GANC: variants seen among roughly 807,000 people sequenced by gnomAD.
GANC encodes glucosidase alpha, neutral C.
In GANC, 117 loss-of-function variants were observed where a neutral mutation model predicts 124.2. The ratio of observed to expected loss-of-function variants is 0.94; its 90% CI spans 0.81 to 1.10. The LOEUF is 1.10. Ranked by LOEUF, GANC falls within the 50% of genes least tolerant of loss-of-function variation. GANC has a pLI of 0.00. For missense variants in GANC, 1,140 were observed against 1,095.0 expected (o/e 1.04, Z -0.58); for synonymous variants, 377 against 376.8 (o/e 1.00, Z -0.01).
intron 3 of GANC, among the ~76,000 whole-genome samples, chr15:42,286,734 C>T (rs2051793186): frequency 2.0e-5 from 3 of 152,170 alleles, no homozygotes; most frequent in African/African-American, 7.2e-5. Context: ...TTGGTGCTGG[C>T]TTGGTATTCT....
At chr15:42,328,506 CAAAAA>C (rs530447078) in intron 13 of GANC, among the ~76,000 whole-genome samples, 3 of 104,052 alleles carry the variant, frequency 2.9e-5, no homozygotes, top group Non-Finnish European at 6.3e-5. Flanking sequence ...AATAAAGATT[CAAAAA>C]AAAAAAAAAA....
chr15:42,279,036 C>T (rs1216797511), intron 3 of GANC, among the ~76,000 whole-genome samples: 2 of 152,080 alleles, frequency 1.3e-5, no homozygotes, highest in African/African-American at 2.4e-5. Flanking sequence ...GTCATCTTTT[C>T]GTATCTATAC....
intron 2 of GANC, chr15:42,277,934 A>AAC: frequency 6.1e-6 from 1 of 163,326 alleles, no homozygotes; most frequent in South Asian, 1.1e-4. Flanking sequence ...AAAAAAAAAA[A>AAC]AAACAGTCTT....
At chr15:42,303,931 T>C (rs1356695418) in intron 6 of GANC, among the ~76,000 whole-genome samples, 1 of 152,128 alleles carries the variant, frequency 6.6e-6, no homozygotes, top group Non-Finnish European at 1.5e-5. Context: ...CCATTGTCAA[T>C]ATTAGACAGA....
chr15:42,351,954 T>G lies in GANC; in HGVS notation c.2636-76T>G, dbSNP rs2052444778. On this transcript the variant is annotated intron_variant, in intron 23 of 23. Transcript: ENST00000318010. ...GGTTTTATGATACAGTGAGAAAACA[T>G]TTCAGATTTGGAGAAAAGACTTTTC... 1.0e-5 allele frequency: 16 copies of G among 1,567,414 alleles called. No individual in the cohort carries two copies. The South Asian group carries it at 1.9e-4, about 18-fold the overall frequency.
intron 19 of GANC, among the ~76,000 whole-genome samples, chr15:42,345,219 A>T (rs1021340654): frequency 2.6e-5 from 4 of 152,092 alleles, no homozygotes; most frequent in African/African-American, 9.7e-5. Context: ...TGTTTAAAAA[A>T]AAAAAAAAGA....
At chr15:42,339,542 G>A in intron 16 of GANC, 127 bp from the exon 17 acceptor site, 1 of 1,139,152 alleles carries the variant, frequency 8.8e-7, no homozygotes, top group Admixed American at 2.2e-5. Flanking sequence ...TGAGGCCACG[G>A]CTTTATCCTG....
At chr15:42,276,835 T>C (rs2051676383) in intron 2 of GANC, among the ~76,000 whole-genome samples, 1 of 152,044 alleles carries the variant, frequency 6.6e-6, no homozygotes, top group Non-Finnish European at 1.5e-5. Context: ...TATTTTTATA[T>C]TATTGCTTTT....
chr15:42,345,386 A>G lies in GANC; in HGVS notation c.2230-372A>G, dbSNP rs187046796. Among the ~76,000 whole-genome samples the G allele has an allele frequency of 1.1e-3, 162 of 151,318 alleles. 1 individual carries two copies. Among genetic ancestry groups the G allele is most frequent in the African/African-American group, 3.8e-3 (156 of 41,172 alleles). The stretch of plus-strand genomic sequence containing the variant: ...TCTTTTCTCCATCACCTCTTTCACT[A>G]CTAGAAGCATTAAGTTTTTATAAGC... On this transcript the variant is annotated intron_variant, in intron 19 of 23. Transcript: ENST00000318010.
In GANC at chr15:42,352,175, G is replaced by C; in HGVS notation, c.*36G>C. ...CCCCTGGTGATGTGAGCAGGGACCT[G>C]CCTGCCCCTTTCAACCTTTCCCCTC... On this transcript the variant is annotated 3_prime_UTR_variant, in exon 24 of 24. Transcript: ENST00000318010. 1 of 1,610,710 alleles carries C rather than the reference G, an allele frequency of 6.2e-7. No individual in the cohort carries two copies. The highest frequency in any genetic ancestry group is 1.7e-4 in the Middle Eastern group (1 of 6,034).
chr15:42,345,348 T>C (rs932805479), intron 19 of GANC, among the ~76,000 whole-genome samples: 1 of 152,158 alleles, frequency 6.6e-6, no homozygotes, highest in Non-Finnish European at 1.5e-5. Flanking sequence ...TTGTCTTCTT[T>C]GTTGTTTTTT....
chr15:42,286,374 A>C (rs1037674219), intron 3 of GANC, among the ~76,000 whole-genome samples: 7 of 152,242 alleles, frequency 4.6e-5, no homozygotes, highest in Non-Finnish European at 1.0e-4. Flanking sequence ...ATAGATGCCA[A>C]ATAAATGTTA....
intron 15 of GANC, among the ~76,000 whole-genome samples, chr15:42,338,094 A>C (rs535676573): frequency 6.6e-6 from 1 of 152,110 alleles, no homozygotes; most frequent in African/African-American, 2.4e-5. Flanking sequence ...TATTATATGC[A>C]AGTTAAATCT....
At chr15:42,308,640 C>T (rs889934468) in intron 8 of GANC, among the ~76,000 whole-genome samples, 8 of 152,250 alleles carry the variant, frequency 5.3e-5, no homozygotes, top group South Asian at 2.1e-4. Flanking sequence ...CCTGTCACCA[C>T]GCCTGGCTAA....
intron 2 of GANC, chr15:42,278,075 A>G (rs2051693658): frequency 5.3e-6 from 2 of 375,582 alleles, no homozygotes; most frequent in East Asian, 7.6e-5. Flanking sequence ...AGGGAAGTCT[A>G]CAGTGAATGC....
chr15:42,278,920 G>A (rs998835088), intron 3 of GANC, among the ~76,000 whole-genome samples: 5 of 152,122 alleles, frequency 3.3e-5, no homozygotes, highest in Admixed American at 1.3e-4. Context: ...TCTTGAGCCC[G>A]GGAGGTCGAG....
chr15:42,302,329 A>G (rs551746901), intron 6 of GANC, among the ~76,000 whole-genome samples: 1 of 152,228 alleles, frequency 6.6e-6, no homozygotes, highest in Non-Finnish European at 1.5e-5. Context: ...GGACGTCCAC[A>G]CAAAAACCCT....
rs143361350 is a variant in GANC, at chr15:42,297,654, C to A, written c.556C>A (p.Gln186Lys). 290 of 1,604,028 alleles carry A rather than the reference C, an allele frequency of 1.8e-4. No individual in the cohort carries two copies. The highest frequency in any genetic ancestry group is 2.5e-4 in the Admixed American group (15 of 59,638). Residue 186 changes from glutamine (Q) to lysine (K), a missense_variant and splice_region_variant, in exon 6 of 24, where the codon CAG becomes AAG. Physicochemically the swap from Gln to Lys is moderately conservative, Grantham distance 53 (BLOSUM62 1). Transcript: ENST00000318010. ...GGAGGAGACATCAGTGGACACCTCTCAGGTAATCTAGATTGATCCATTTAT... is the reference window on the plus strand; with the variant it reads ...GGAGGAGACATCAGTGGACACCTCTAAGGTAATCTAGATTGATCCATTTAT... ...NEEETSVDTS[Q>K]ENQEDLGLWE...
chr15:42,331,477 G>T (rs1457997303), intron 15 of GANC, among the ~76,000 whole-genome samples: 6 of 152,144 alleles, frequency 3.9e-5, no homozygotes, highest in Non-Finnish European at 8.8e-5. Context: ...CAACCCTGTG[G>T]CAGGAAGGCT....
Sources: gnomAD v4.1 joint callset for allele counts (sites outside exome capture counted in the v4.1 genomes callset) on GRCh38, gnomAD v4.1.1 for gene constraint, MANE v1.5 for transcripts, NCBI Gene and HGNC (gene_info 2026-07-23, HGNC 2026-07-21) for gene names.